The following DAGLA variants were observed in gnomAD, a reference collection of about 807,000 sequenced individuals.
The protein encoded by DAGLA is diacylglycerol lipase-alpha.
DAGLA carries 22 observed loss-of-function variants against 102.6 expected under a neutral mutation model. That is an observed-to-expected ratio of 0.21 (90% CI 0.15 to 0.31). The LOEUF is 0.31. Among genes scored for constraint, DAGLA ranks in the 10% least tolerant of loss-of-function variants. The pLI, the probability that DAGLA is intolerant of heterozygous loss-of-function variation, is 1.00. For missense variants in DAGLA, 927 were observed against 1,446.6 expected, an observed-to-expected ratio of 0.64 and a Z score of 5.83; for synonymous variants, 578 against 628.9, an observed-to-expected ratio of 0.92 and a Z score of 1.21.
At chr11:61,701,145 T>C (rs2065107666) in intron 1 of DAGLA, among the ~76,000 whole-genome samples, 1 of 152,244 alleles carries the variant, frequency 6.6e-6, no homozygotes, top group African/African-American at 2.4e-5. Flanking sequence ...CCCCATGTGT[T>C]TTCCACTGTG....
At chr11:61,714,199 G>A (rs2065218896) in intron 1 of DAGLA, among the ~76,000 whole-genome samples, 2 of 152,332 alleles carry the variant, frequency 1.3e-5, no homozygotes, top group South Asian at 4.1e-4. Flanking sequence ...GGGCCTAGAG[G>A]GGTTGGGACT....
intron 1 of DAGLA, among the ~76,000 whole-genome samples, chr11:61,709,453 C>T (rs1476275030): frequency 6.6e-6 from 1 of 152,194 alleles, no homozygotes; most frequent in Non-Finnish European, 1.5e-5. Context: ...CTAGGCTGGT[C>T]TCGAACTCCT....
chr11:61,738,771 A>G (rs1400673602), intron 16 of DAGLA, among the ~76,000 whole-genome samples: 1 of 152,104 alleles, frequency 6.6e-6, no homozygotes, highest in African/African-American at 2.4e-5. Context: ...AGGCACACTG[A>G]GGCAGGCCAG....
intron 9 of DAGLA, among the ~76,000 whole-genome samples, chr11:61,733,052 T>C (rs565742513): frequency 1.3e-5 from 2 of 152,330 alleles, no homozygotes; most frequent in South Asian, 2.1e-4. Flanking sequence ...CCACTCGTTA[T>C]TAAGAACCTA....
At position 61,740,039 on chromosome 11, in the gene DAGLA, A is replaced by C. The variant is rs1039705702; in HGVS notation, c.1853+378A>C. Among the ~76,000 whole-genome samples, 3 of 152,220 alleles carry C rather than the reference A, an allele frequency of 2.0e-5. No homozygotes were observed. The South Asian group carries it at 6.2e-4, about 31-fold the overall frequency. ...TTGGTTTCACCAAGGGAATTCCTCGAAGACAGCTGTGAGCAAGGTGGGGGC... is the reference window on the plus strand; with the variant it reads ...TTGGTTTCACCAAGGGAATTCCTCGCAGACAGCTGTGAGCAAGGTGGGGGC... On this transcript the variant is annotated intron_variant, in intron 17 of 19. Transcript: ENST00000257215.
At chr11:61,726,571 G>A (rs535732121) in intron 6 of DAGLA, among the ~76,000 whole-genome samples, 2 of 152,228 alleles carry the variant, frequency 1.3e-5, no homozygotes, top group Admixed American at 6.5e-5. Flanking sequence ...AGCTGGGGGC[G>A]GCCCCCAAGG....
chr11:61,734,831 CTT>C lies in DAGLA; in HGVS notation c.975-17_975-16del. 4 of 1,607,136 alleles carry C rather than the reference CTT, an allele frequency of 2.5e-6. No homozygotes were observed. Among genetic ancestry groups the C allele is most frequent in the Non-Finnish European group, 2.6e-6 (3 of 1,174,760 alleles). On this transcript the variant is annotated splice_polypyrimidine_tract_variant and intron_variant, in intron 9 of 19. Transcript: ENST00000257215. This position sits in a 1 kb window ranked among gnomAD's most constrained non-coding sequence, Gnocchi z 4.2. ...CGGGGACTCCCTGGCCCTGAACTCT[CTT>C]GTCACCCCACCCTAGGTGTTGCCTG... is the stretch of plus-strand genomic sequence containing the variant.
At chr11:61,703,505 C>T (rs188654832) in intron 1 of DAGLA, among the ~76,000 whole-genome samples, 1 of 152,292 alleles carries the variant, frequency 6.6e-6, no homozygotes, top group Non-Finnish European at 1.5e-5. Context: ...GTTCGGCACG[C>T]CTGGCCTGTT....
At chr11:61,708,932 T>C (rs1384924354) in intron 1 of DAGLA, among the ~76,000 whole-genome samples, 1 of 152,172 alleles carries the variant, frequency 6.6e-6, no homozygotes, top group Non-Finnish European at 1.5e-5. Flanking sequence ...GGTCCAGCTT[T>C]GCCCTGCCTG....
chr11:61,726,887 C>T (rs183890910), intron 6 of DAGLA, among the ~76,000 whole-genome samples: 14 of 152,372 alleles, frequency 9.2e-5, no homozygotes, highest in Admixed American at 3.3e-4. Context: ...AGAAAGCCCC[C>T]GAGGTTCCCT....
chr11:61,709,085 T>C (rs1438213302), intron 1 of DAGLA, among the ~76,000 whole-genome samples: 1 of 152,194 alleles, frequency 6.6e-6, no homozygotes, highest in Non-Finnish European at 1.5e-5. Context: ...GCTGTGATCA[T>C]TGTGTGAGCT....
rs1391121972 is a variant in DAGLA at position 61,744,253 on chromosome 11, G to A, written c.2893G>A (p.Glu965Lys). 6.2e-6 allele frequency: 10 copies of A among 1,613,012 alleles called. No individual in the cohort carries two copies. The highest frequency in any genetic ancestry group is 1.1e-5 in the South Asian group (1 of 91,088). The change falls in exon 20 of 20, where the codon GAG (glutamate) becomes AAG (lysine). Residue 965 changes from glutamate to lysine, a missense_variant. Transcript: ENST00000257215. ...AGAGATCCTGCTCCGTGCCCAGTTC[G>A]AGCCCAACCTGGTGCCCAAGCCCCC... ...QQEILLRAQFEPNLVPKPPRL... is the reference protein window; with the variant it reads ...QQEILLRAQFKPNLVPKPPRL...
At position 61,720,824 on chromosome 11, in the gene DAGLA, A is replaced by G; in HGVS notation, c.241A>G (p.Met81Val). 1 of 1,613,696 alleles carries G rather than the reference A, an allele frequency of 6.2e-7. No individual in the cohort carries two copies. The highest frequency in any genetic ancestry group is 8.5e-7 in the Non-Finnish European group (1 of 1,180,038). Residue 81 changes from methionine to valine, a missense_variant, in exon 3 of 20, where the codon ATG becomes GTG. Physicochemically the swap from Met to Val is conservative, Grantham distance 21. This residue lies in a region of DAGLA where 231 missense variants were observed against 439.8 expected (regional missense o/e 0.53). Coordinates refer to ENST00000257215, the MANE Select transcript of DAGLA (RefSeq NM_006133.3). ...IAEMAIIWLS[M>V]RGGILYTEPR... ...TGAGATGGCCATCATCTGGCTGAGC[A>G]TGCGCGGGGGCATCCTCTACACGGA...
rs770905349 is a variant in DAGLA at position 61,720,703 on chromosome 11, C to A, written c.120C>A (p.Leu40=). 2 of 1,613,770 alleles carry A rather than the reference C, an allele frequency of 1.2e-6. No homozygotes were observed. The highest frequency in any genetic ancestry group is 3.3e-5 in the Admixed American group (2 of 60,004). Residue 40 remains leucine, a synonymous_variant, in exon 3 of 20, where the codon CTC becomes CTA. Transcript: ENST00000257215. ...TTWFVILSVV[L]FGLVYNPHEA... ...GGTTTGTGATCCTGTCCGTGGTGCT[C>A]TTCGGCCTGGTCTATAACCCGCACG...
At position 61,731,562 on chromosome 11, in the gene DAGLA, T is replaced by C. The variant is rs2065375306; in HGVS notation, c.974+121T>C. 3.0e-6 allele frequency: 4 copies of C among 1,338,662 alleles called. No homozygotes were observed. The Admixed American group carries it at 7.7e-5, about 26-fold the overall frequency. 82.9% of individuals were successfully genotyped at this position (1,338,662 alleles called of 1,614,324 possible). ...AATGGCTTCTTTTCTACACCTTCTCTGGGCCTCAACCTTTCTAGTTCTGTG... is the reference window on the plus strand; with the variant it reads ...AATGGCTTCTTTTCTACACCTTCTCCGGGCCTCAACCTTTCTAGTTCTGTG... On this transcript the variant is annotated intron_variant, in intron 9 of 19. Transcript: ENST00000257215.
chr11:61,717,434 G>A (rs983090091), intron 1 of DAGLA, among the ~76,000 whole-genome samples: 2 of 152,132 alleles, frequency 1.3e-5, no homozygotes, highest in African/African-American at 4.8e-5. Flanking sequence ...GGGAGGGGTG[G>A]CTGGTCCAGC....
At chr11:61,683,402 C>A (rs1335712706) in intron 1 of DAGLA, among the ~76,000 whole-genome samples, 1 of 152,338 alleles carries the variant, frequency 6.6e-6, no homozygotes, top group East Asian at 1.9e-4. Context: ...GTCTCACCCG[C>A]TCCCTGCAGT....
At chr11:61,739,707 C>G (rs1037804307) in intron 17 of DAGLA, 46 bp downstream of exon 17, 1 of 1,585,444 alleles carries the variant, frequency 6.3e-7, no homozygotes, top group Non-Finnish European at 8.6e-7. Flanking sequence ...GTGGCCAGGG[C>G]AGGGGCAGTG....
intron 4 of DAGLA, 62 bp downstream of exon 4, chr11:61,723,022 G>A (rs2065297476): frequency 7.6e-7 from 1 of 1,316,660 alleles, no homozygotes; most frequent in African/African-American, 1.4e-5. Context: ...GACGAGATCA[G>A]TTTAGAGAGG....
Sources: allele counts gnomAD v4.1 joint callset (sites outside exome capture counted in the v4.1 genomes callset), GRCh38; gene constraint gnomAD v4.1.1; regional missense constraint gnomAD v4.1.1; non-coding constraint Gnocchi (gnomAD v3.1); transcripts MANE v1.5; gene names NCBI Gene and HGNC (gene_info 2026-07-23, HGNC 2026-07-21).